OPA3: variants seen among roughly 807,000 people sequenced by gnomAD.
OPA3 encodes the protein outer mitochondrial membrane lipid metabolism regulator OPA3.
Under a neutral mutation model 4.0 loss-of-function variants are expected in OPA3, and 6 were observed. The observed-to-expected ratio is 1.51, with a 90% CI of 0.83 to 2.99. The LOEUF is 2.99. Among genes scored for constraint, OPA3 ranks in the 30% most tolerant of loss-of-function variants. OPA3 has a pLI of 0.00. For missense variants in OPA3, 235 were observed against 256.2 expected (o/e 0.92, Z 0.56); for synonymous variants, 105 against 117.1 (o/e 0.90, Z 0.67).
At chr19:45,543,693 C>T (rs1969213289), downstream of OPA3, among the ~76,000 whole-genome samples, 1 of 152,024 alleles carries the variant, frequency 6.6e-6, no homozygotes, top group South Asian at 2.1e-4. Flanking sequence ...TCTCTAACTC[C>T]TGAGCTCAAG....
chr19:45,549,245 CCT>C lies in OPA3; in HGVS notation c.*4267_*4268del. 1.0e-6 allele frequency: 1 copy of C among 985,452 alleles called. No individual in the cohort carries two copies. The highest frequency in any genetic ancestry group is 1.2e-6 in the Non-Finnish European group (1 of 829,944). The allele number at this position is 985,452 out of a possible 1,614,324, so 61.0% of individuals were successfully genotyped here. On this transcript the variant is annotated 3_prime_UTR_variant, in exon 2 of 2. Transcript: ENST00000263275. ...GCAGAACACACGAGCAGTGAACCAT[CCT>C]CTGGCCTCTTGCATTTTGAGAGGAC... is the stretch of plus-strand genomic sequence containing the variant.
chr19:45,584,689 G>A lies in OPA3; in HGVS notation c.76C>T (p.Arg26Cys). ...CTTCGGCGGGCGGCCTCCTTAATAC[G>A]GTTGGCAAGCGGCTTGCTGACCTGC... is the stretch of plus-strand genomic sequence containing the variant. ...IRQVSKPLAN[R>C]IKEAARRSEF... Residue 26 changes from arginine to cysteine, a missense_variant, in exon 1 of 2, where the codon CGT becomes TGT. Transcript: ENST00000263275. 6.2e-7 allele frequency: 1 copy of A among 1,614,198 alleles called. No individual in the cohort carries two copies. The highest frequency in any genetic ancestry group is 8.5e-7 in the Non-Finnish European group (1 of 1,180,040).
intron 1 of OPA3, among the ~76,000 whole-genome samples, chr19:45,556,315 AT>A (rs201425100): frequency 5.3e-5 from 8 of 150,996 alleles, no homozygotes; most frequent in African/African-American, 2.0e-4. Context: ...GGCTAATTTT[AT>A]TTTTTTTGGG....
At chr19:45,539,197 C>G (rs1969154916) in intron 1 of OPA3, among the ~76,000 whole-genome samples, 1 of 152,176 alleles carries the variant, frequency 6.6e-6, no homozygotes. Flanking sequence ...GGTTGGGACA[C>G]AGAGCCAAAC....
rs1002749763 is a variant in OPA3, at chr19:45,550,069, C to G, written c.*3445G>C. The G allele has an allele frequency of 7.9e-6, 4 of 506,424 alleles. No homozygotes were observed. Among genetic ancestry groups the G allele is most frequent in the Non-Finnish European group, 7.6e-6 (3 of 392,478 alleles). 31.4% of individuals were successfully genotyped at this position (506,424 alleles called of 1,614,324 possible). On this transcript the variant is annotated 3_prime_UTR_variant, in exon 2 of 2. Coordinates refer to ENST00000263275, the MANE Select transcript of OPA3 (RefSeq NM_025136.4). ...GCTACTTCGGAAGCTGAGGCAGGAT[C>G]ATTGGTTGAGCCTGGGAGGTAGAAG...
At chr19:45,580,614 A>AT (rs1357645442) in intron 1 of OPA3, among the ~76,000 whole-genome samples, 1 of 147,358 alleles carries the variant, frequency 6.8e-6, no homozygotes, top group Non-Finnish European at 1.5e-5. Flanking sequence ...TTATTTATTT[A>AT]TTTATTTATT....
In OPA3 at chr19:45,548,606, C is replaced by G; in HGVS notation, c.*4908G>C. 6.1e-6 allele frequency: 6 copies of G among 984,922 alleles called. No individual in the cohort carries two copies. The highest frequency in any genetic ancestry group is 7.2e-6 in the Non-Finnish European group (6 of 829,840). 61.0% of individuals were successfully genotyped at this position (984,922 alleles called of 1,614,324 possible). Reference sequence around the variant, plus strand: ...GTCTCTGTCACCACTGTGACCCCAGCATAGGGTGGGGCAGAGAGTGGGTAA... The same window carrying G: ...GTCTCTGTCACCACTGTGACCCCAGGATAGGGTGGGGCAGAGAGTGGGTAA... On this transcript the variant is annotated 3_prime_UTR_variant, in exon 2 of 2. Transcript: ENST00000263275.
In OPA3 at chr19:45,548,941, T is replaced by A; in HGVS notation, c.*4573A>T. On this transcript the variant is annotated 3_prime_UTR_variant, in exon 2 of 2. Coordinates refer to ENST00000263275, the MANE Select transcript of OPA3 (RefSeq NM_025136.4). ...GCCTCAGCCTCCCGAGTAGGTGGGA[T>A]TACAGGTGCACAACCACCATGCCCA... 3.3e-6 allele frequency: 1 copy of A among 306,868 alleles called. No homozygotes were observed. The allele number at this position is 306,868 out of a possible 1,614,324, so 19.0% of individuals were successfully genotyped here. A position where few individuals can be genotyped will look rare whatever the true frequency, so the allele number is the denominator to read the frequency against.
intron 1 of OPA3, chr19:45,584,270 C>A (rs1969898726): frequency 1.1e-6 from 1 of 907,864 alleles, no homozygotes; most frequent in Non-Finnish European, 1.3e-6. Flanking sequence ...GGACCCCGTC[C>A]GGTTTCTCCT....
Position 45,553,504 on chromosome 19 carries a change from C to T in OPA3, c.*10G>A, listed in dbSNP as rs762873253. On this transcript the variant is annotated 3_prime_UTR_variant, in exon 2 of 2. Transcript: ENST00000263275. ...GCCATGTCCAAATTCAGGTTCCATC[C>T]AGCAAGCTCCTATTTCTTGGACGCA... 2 of 1,612,780 alleles carry T rather than the reference C, an allele frequency of 1.2e-6. No individual in the cohort carries two copies. The highest frequency in any genetic ancestry group is 1.7e-6 in the Non-Finnish European group (2 of 1,180,000).
chr19:45,556,875 T>C (rs1969428225), intron 1 of OPA3, among the ~76,000 whole-genome samples: 1 of 152,206 alleles, frequency 6.6e-6, no homozygotes, highest in South Asian at 2.1e-4. Flanking sequence ...CACTGAGGTC[T>C]TAGGGTCAGG....
intron 1 of OPA3, among the ~76,000 whole-genome samples, chr19:45,569,957 G>A (rs1399086994): frequency 6.6e-6 from 1 of 152,188 alleles, no homozygotes; most frequent in East Asian, 1.9e-4. Flanking sequence ...AGGTTTGATT[G>A]ACATTTACTG....
chr19:45,559,387 C>CTTTTTTT (rs1482357153), intron 1 of OPA3, among the ~76,000 whole-genome samples: 1 of 108,348 alleles, frequency 9.2e-6, no homozygotes, highest in African/African-American at 3.9e-5. Context: ...TTCTTTCCCT[C>CTTTTTTT]TTTTTCTTTC....
intron 1 of OPA3, among the ~76,000 whole-genome samples, chr19:45,536,566 T>C (rs879765172): frequency 7.1e-6 from 1 of 140,016 alleles, no homozygotes; most frequent in African/African-American, 2.7e-5. Flanking sequence ...AAAAAAAAAG[T>C]GTATGGAAAC....
chr19:45,572,415 T>C (rs1448103608), intron 1 of OPA3, among the ~76,000 whole-genome samples: 1 of 126,176 alleles, frequency 7.9e-6, no homozygotes, highest in African/African-American at 3.2e-5. Context: ...TATCGATATA[T>C]ATCGATATAT....
intron 1 of OPA3, among the ~76,000 whole-genome samples, chr19:45,578,615 G>A (rs1969802419): frequency 6.6e-6 from 1 of 152,054 alleles, no homozygotes. Context: ...ATCTCCTGAC[G>A]TTGGGAGTTA....
At chr19:45,583,175 G>T (rs916354132) in intron 1 of OPA3, among the ~76,000 whole-genome samples, 2 of 151,694 alleles carry the variant, frequency 1.3e-5, no homozygotes, top group African/African-American at 4.8e-5. Flanking sequence ...TTTGGAGACG[G>T]AGTCTTGCTC....
rs2122419306 is a variant in OPA3 at position 45,548,904 on chromosome 19, A to G, written c.*4610T>C. 2.8e-6 allele frequency: 1 copy of G among 361,808 alleles called. No homozygotes were observed. The highest frequency in any genetic ancestry group is 3.8e-6 in the Non-Finnish European group (1 of 260,434). 22.4% of individuals were successfully genotyped at this position (361,808 alleles called of 1,614,324 possible). A position where few individuals can be genotyped will look rare whatever the true frequency, so the allele number is the denominator to read the frequency against. ...CTGCAACCTCCGCCTCCCGGGTCCA[A>G]GAGATTCTCCTGCCTCAGCCTCCCG... is the stretch of plus-strand genomic sequence containing the variant. On this transcript the variant is annotated 3_prime_UTR_variant, in exon 2 of 2. Transcript: ENST00000263275.
downstream of OPA3, chr19:45,546,212 T>C (rs1969246883): frequency 6.0e-6 from 1 of 165,870 alleles, no homozygotes; most frequent in Non-Finnish European, 1.2e-5. Context: ...AGAATGCATA[T>C]ATATCTGTAG....
Sources: allele counts gnomAD v4.1 joint callset (sites outside exome capture counted in the v4.1 genomes callset), GRCh38; gene constraint gnomAD v4.1.1; transcripts MANE v1.5; gene names NCBI Gene and HGNC (gene_info 2026-07-23, HGNC 2026-07-21).